Variants in SNRPN observed in about 807,000 individuals in gnomAD.
SNRPN encodes small nuclear ribonucleoprotein-associated protein N.
Under a neutral mutation model 25.2 loss-of-function variants are expected in SNRPN, and 7 were observed. The observed-to-expected ratio is 0.28, with a 90% CI of 0.16 to 0.52. SNRPN has a LOEUF of 0.52. SNRPN is among the 20% of genes least tolerant of loss of function. The pLI is 0.96. For synonymous variants in SNRPN, 124 were observed against 110.6 expected (o/e 1.12, Z -0.76); for missense variants, 196 against 322.5 (o/e 0.61, Z 3.00).
chr15:24,967,391 G>T (rs1172266803), intron 2 of SNRPN, among the ~76,000 whole-genome samples: 1 of 152,062 alleles, frequency 6.6e-6, no homozygotes, highest in Non-Finnish European at 1.5e-5. Context: ...TGTAATCCCA[G>T]CACTTTGGGA....
At chr15:24,957,086 T>C (rs1345628116) in intron 1 of SNRPN, among the ~76,000 whole-genome samples, 1 of 151,574 alleles carries the variant, frequency 6.6e-6, no homozygotes, top group Admixed American at 6.6e-5. Flanking sequence ...TGTTAACCCC[T>C]TTTTTTTAAC....
At chr15:24,883,516 C>A (rs568416730) in intron 1 of SNRPN, among the ~76,000 whole-genome samples, 1 of 152,102 alleles carries the variant, frequency 6.6e-6, no homozygotes, top group Non-Finnish European at 1.5e-5. Context: ...AACCTCTGTC[C>A]CTGCATCCTC....
At chr15:24,953,910 C>T (rs1284187320), upstream of SNRPN, among the ~76,000 whole-genome samples, 1 of 152,144 alleles carries the variant, frequency 6.6e-6, no homozygotes, top group Non-Finnish European at 1.5e-5. Context: ...TAAGCCTCTG[C>T]GCACCTGTTT....
At chr15:24,881,582 AG>A (rs369470842) in intron 1 of SNRPN, among the ~76,000 whole-genome samples, 17 of 47,402 alleles carry the variant, frequency 3.6e-4, no homozygotes, top group African/African-American at 1.4e-3. Context: ...GGAGGGAGGG[AG>A]GGAGAGAGAG....
intron 1 of SNRPN, among the ~76,000 whole-genome samples, chr15:24,871,856 C>T (rs1181026430): frequency 8.2e-6 from 1 of 121,264 alleles, no homozygotes. Context: ...AGGCGCCCAC[C>T]ACCACGCCTG....
At chr15:24,923,927 T>A (rs1247737142) in intron 3 of SNRPN, among the ~76,000 whole-genome samples, 4,057 of 43,050 alleles carry the variant, frequency 0.094, 135 homozygotes, top group Middle Eastern at 0.19. Context: ...ATAAACATTT[T>A]TTTTTTTTTT....
chr15:24,908,943 C>G, intron 2 of SNRPN: 3 of 1,270,012 alleles, frequency 2.4e-6, no homozygotes, highest in Non-Finnish European at 2.3e-6. Context: ...CTCTCAGCAG[C>G]CTGCTTCTGA....
chr15:24,888,926 AT>A (rs35357760), intron 2 of SNRPN, among the ~76,000 whole-genome samples: 4 of 150,478 alleles, frequency 2.7e-5, no homozygotes, highest in Middle Eastern at 6.9e-3. Flanking sequence ...TTCTTTTTTT[AT>A]TTTTTTTTGA....
At chr15:24,839,369 C>T (rs2051479160) in intron 2 of SNRPN, among the ~76,000 whole-genome samples, 1 of 152,076 alleles carries the variant, frequency 6.6e-6, no homozygotes, top group Non-Finnish European at 1.5e-5. Flanking sequence ...AAAATCATGA[C>T]ATAAGTTCTC....
chr15:24,947,381 A>C (rs889684001), intron 3 of SNRPN, among the ~76,000 whole-genome samples: 12 of 152,378 alleles, frequency 7.9e-5, no homozygotes, highest in African/African-American at 2.9e-4. Context: ...CTGTAATCCC[A>C]GCACTTTGGG....
chr15:24,902,231 C>A (rs2058504857), intron 2 of SNRPN, among the ~76,000 whole-genome samples: 1 of 151,988 alleles, frequency 6.6e-6, no homozygotes, highest in Non-Finnish European at 1.5e-5. Context: ...GGAATTCAGA[C>A]AAACAGATAA....
intron 2 of SNRPN, among the ~76,000 whole-genome samples, chr15:24,843,241 A>G (rs2051854978): frequency 1.3e-5 from 2 of 152,126 alleles, no homozygotes; most frequent in Non-Finnish European, 2.9e-5. Flanking sequence ...ATAAATATGG[A>G]TAACTTGATG....
rs58691279 is a variant in SNRPN at position 24,885,716 on chromosome 15, CTGTGTGTGTGTGTGTG to C, written c.-578-778_-578-763del. 5.6e-5 allele frequency among the ~76,000 whole-genome samples: 8 copies of C among 141,636 alleles called. 1 individual carries two copies. In the South Asian group the frequency reaches 7.3e-4, roughly 13 times the overall value. The allele number at this position is 141,636 out of a possible 152,430, so 92.9% of individuals were successfully genotyped here. On this transcript the variant is annotated intron_variant, in intron 1 of 11. Coordinates refer to the SNRPN transcript ENST00000400097. ...GGATTTTCCAGGAAGGAATCTGGGG[CTGTGTGTGTGTGTGTG>C]TGTGTGTGTGTGTGTGTGTGTATGT... is the stretch of plus-strand genomic sequence containing the variant.
At position 24,955,055 on chromosome 15, in the gene SNRPN, C is replaced by G; in HGVS notation, c.-398C>G. Reference sequence around the variant, plus strand: ...AGGAGCGGTCAGTGACGCGATGGAGCGGGCAAGGTCAGCTGTGCCGGTGGC... The same window carrying G: ...AGGAGCGGTCAGTGACGCGATGGAGGGGGCAAGGTCAGCTGTGCCGGTGGC... On this transcript the variant is annotated 5_prime_UTR_variant, in exon 1 of 10. Coordinates refer to ENST00000390687, the MANE Select transcript of SNRPN (RefSeq NM_003097.6). 1.2e-6 allele frequency: 2 copies of G among 1,613,410 alleles called. No homozygotes were observed. Among genetic ancestry groups the G allele is most frequent in the Non-Finnish European group, 1.7e-6 (2 of 1,180,022 alleles).
intron 2 of SNRPN, among the ~76,000 whole-genome samples, chr15:24,897,677 G>C (rs1259692696): frequency 1.3e-5 from 2 of 152,104 alleles, no homozygotes; most frequent in East Asian, 3.9e-4. Context: ...AAACATGGGG[G>C]GTGGTTTCCC....
chr15:24,870,343 T>G (rs1001336942), intron 1 of SNRPN, among the ~76,000 whole-genome samples: 1 of 152,208 alleles, frequency 6.6e-6, no homozygotes, highest in Non-Finnish European at 1.5e-5. Flanking sequence ...AACGTACCTG[T>G]GTATACTAAC....
At chr15:24,957,374 G>C (rs1409982834) in intron 1 of SNRPN, among the ~76,000 whole-genome samples, 2 of 152,184 alleles carry the variant, frequency 1.3e-5, no homozygotes, top group Non-Finnish European at 2.9e-5. Context: ...GTGGGGTTGT[G>C]CTTTGGATCA....
intron 4 of SNRPN, chr15:24,975,106 G>A (rs34842555): frequency 0.062 from 38,906 of 632,026 alleles, 1,509 homozygotes; most frequent in Non-Finnish European, 0.08. Flanking sequence ...AGCATGCATC[G>A]TCACAGAGAA....
intron 2 of SNRPN, among the ~76,000 whole-genome samples, chr15:24,848,024 G>C (rs2052356099): frequency 6.6e-6 from 1 of 151,958 alleles, no homozygotes; most frequent in Non-Finnish European, 1.5e-5. Flanking sequence ...TTTCCACTCT[G>C]ATGGAGAAGT....
Sources: allele counts gnomAD v4.1 joint callset (sites outside exome capture counted in the v4.1 genomes callset), GRCh38; gene constraint gnomAD v4.1.1; transcripts MANE v1.5; gene names NCBI Gene and HGNC (gene_info 2026-07-23, HGNC 2026-07-21).